The following FHIT variants were observed in gnomAD, a reference collection of about 807,000 sequenced individuals.
The protein encoded by FHIT is fragile histidine triad diadenosine triphosphatase, also known as bis(5'-adenosyl)-triphosphatase.
FHIT carries 19 observed loss-of-function variants against 17.9 expected under a neutral mutation model. The ratio of observed to expected loss-of-function variants is 1.06; its 90% CI spans 0.74 to 1.56. The LOEUF is 1.56. Among genes scored for constraint, FHIT ranks in the 40% most tolerant of loss-of-function variants. The pLI, the probability that FHIT is intolerant of heterozygous loss-of-function variation, is 0.00. For missense variants in FHIT, 248 were observed against 189.2 expected (o/e 1.31, Z -1.82); for synonymous variants, 81 against 69.7 (o/e 1.16, Z -0.81).
At chr3:59,944,519 T>TG (rs1276406727) in intron 7 of FHIT, among the ~76,000 whole-genome samples, 2 of 151,958 alleles carry the variant, frequency 1.3e-5, no homozygotes, top group Non-Finnish European at 2.9e-5. Flanking sequence ...TTTTTCTTTT[T>TG]TTTTTATTTA....
intron 5 of FHIT, among the ~76,000 whole-genome samples, chr3:60,110,857 G>T (rs537040030): frequency 2.0e-4 from 31 of 152,186 alleles, no homozygotes; most frequent in Non-Finnish European, 3.8e-4. Flanking sequence ...AATTTTTCAT[G>T]TTTCAATTAT....
At chr3:61,096,054 A>C (rs2035627873) in intron 2 of FHIT, among the ~76,000 whole-genome samples, 1 of 152,184 alleles carries the variant, frequency 6.6e-6, no homozygotes, top group East Asian at 1.9e-4. Context: ...TATTAATCAG[A>C]GGTGCCCTTT....
intron 5 of FHIT, among the ~76,000 whole-genome samples, chr3:60,225,017 A>C (rs1404027034): frequency 6.6e-6 from 1 of 152,086 alleles, no homozygotes; most frequent in Non-Finnish European, 1.5e-5. Context: ...CACCACGCCC[A>C]GCCAGGATTT....
chr3:60,158,044 A>T (rs1307267544), intron 5 of FHIT, among the ~76,000 whole-genome samples: 1 of 152,216 alleles, frequency 6.6e-6, no homozygotes, highest in East Asian at 1.9e-4. Context: ...TATGTGGTCC[A>T]AATTGGTTCC....
At chr3:60,015,003 T>C (rs76502115) in intron 5 of FHIT, among the ~76,000 whole-genome samples, 2,901 of 152,332 alleles carry the variant, frequency 0.019, 90 homozygotes, top group African/African-American at 0.066. Context: ...TATACACACA[T>C]GTATGCACAC....
chr3:59,930,125 G>A (rs1451615524), intron 7 of FHIT, among the ~76,000 whole-genome samples: 2 of 152,146 alleles, frequency 1.3e-5, no homozygotes, highest in African/African-American at 2.4e-5. Context: ...GGGAACTAGC[G>A]TATTCATACA....
At chr3:60,677,392 G>C (rs1553695646) in intron 4 of FHIT, among the ~76,000 whole-genome samples, 1 of 152,084 alleles carries the variant, frequency 6.6e-6, no homozygotes, top group South Asian at 2.1e-4. Context: ...GCTCCCACGT[G>C]TGAGGACATG....
At chr3:59,875,786 G>A (rs1158325211) in intron 8 of FHIT, among the ~76,000 whole-genome samples, 1 of 145,812 alleles carries the variant, frequency 6.9e-6, no homozygotes, top group Non-Finnish European at 1.6e-5. Context: ...ATTATGGAAA[G>A]AGGGAGGGCC....
chr3:60,155,284 T>C (rs1358997264), intron 5 of FHIT, among the ~76,000 whole-genome samples: 3 of 152,168 alleles, frequency 2.0e-5, no homozygotes, highest in Non-Finnish European at 4.4e-5. Flanking sequence ...CTTTCTCTTG[T>C]CTGTGTACTT....
intron 4 of FHIT, among the ~76,000 whole-genome samples, chr3:60,561,241 T>C: frequency 6.6e-6 from 1 of 151,966 alleles, no homozygotes; most frequent in African/African-American, 2.4e-5. Context: ...AGGACTGAAA[T>C]GTGGGCCAAA....
chr3:60,109,203 C>T (rs1704562723), intron 5 of FHIT, among the ~76,000 whole-genome samples: 1 of 152,010 alleles, frequency 6.6e-6, no homozygotes, highest in African/African-American at 2.4e-5. Flanking sequence ...GTTTTTTCTC[C>T]CCCATCTCAT....
chr3:60,970,211 T>C (rs149588285), intron 3 of FHIT, among the ~76,000 whole-genome samples: 17 of 152,350 alleles, frequency 1.1e-4, no homozygotes, highest in African/African-American at 3.8e-4. Context: ...TGTATATTTC[T>C]CTTTTTCAGT....
chr3:60,946,938 G>C (rs1333880968), intron 3 of FHIT, among the ~76,000 whole-genome samples: 1 of 152,216 alleles, frequency 6.6e-6, no homozygotes, highest in Non-Finnish European at 1.5e-5. Flanking sequence ...AGGCCAGTGT[G>C]TCTGAGGATG....
chr3:59,892,270 G>A (rs17061380), intron 8 of FHIT, among the ~76,000 whole-genome samples: 4 of 152,248 alleles, frequency 2.6e-5, no homozygotes, highest in East Asian at 3.9e-4. Context: ...GACAAATTGC[G>A]CTCAGGAGTC....
chr3:60,271,571 C>A (rs530460335), intron 5 of FHIT, among the ~76,000 whole-genome samples: 1 of 152,228 alleles, frequency 6.6e-6, no homozygotes, highest in South Asian at 2.1e-4. Context: ...CTAAAAATTT[C>A]AGTTCTTGAT....
chr3:60,665,665 A>G (rs1236578571), intron 4 of FHIT, among the ~76,000 whole-genome samples: 2 of 152,044 alleles, frequency 1.3e-5, no homozygotes, highest in African/African-American at 2.4e-5. Flanking sequence ...AACTAATCAT[A>G]GAATTTGAAG....
chr3:60,154,203 C>G (rs1421405781), intron 5 of FHIT, among the ~76,000 whole-genome samples: 1 of 152,216 alleles, frequency 6.6e-6, no homozygotes, highest in Non-Finnish European at 1.5e-5. Flanking sequence ...TCGCCAAGGT[C>G]TGATTTTTCA....
At chr3:60,340,428 G>C (rs1710458972) in intron 5 of FHIT, among the ~76,000 whole-genome samples, 1 of 152,142 alleles carries the variant, frequency 6.6e-6, no homozygotes, top group Admixed American at 6.5e-5. Flanking sequence ...GGCAGACAAT[G>C]GTAATCCACT....
intron 7 of FHIT, among the ~76,000 whole-genome samples, chr3:59,982,968 T>TC (rs1215242591): frequency 1.3e-5 from 2 of 152,106 alleles, no homozygotes; most frequent in African/African-American, 4.8e-5. Context: ...ATTTTTTTTT[T>TC]CATTCTGTTG....
Sources: gnomAD v4.1 joint callset for allele counts (sites outside exome capture counted in the v4.1 genomes callset) on GRCh38, gnomAD v4.1.1 for gene constraint, MANE v1.5 for transcripts, NCBI Gene and HGNC (gene_info 2026-07-23, HGNC 2026-07-21) for gene names.